The following MTREX variants were observed in gnomAD, a reference collection of about 807,000 sequenced individuals.
The protein encoded by MTREX is exosome RNA helicase MTR4.
In MTREX, 76 loss-of-function variants were observed where a neutral mutation model predicts 135.4. The ratio of observed to expected loss-of-function variants is 0.56; its 90% CI spans 0.47 to 0.68. The LOEUF (loss-of-function observed/expected upper bound fraction) is 0.68, where lower values mean the gene tolerates loss of function less well. Ranked by LOEUF, MTREX falls within the 30% of genes least tolerant of loss-of-function variation. The pLI is 0.00. For missense variants in MTREX, 920 were observed against 1,262.1 expected (o/e 0.73, Z 4.11); for synonymous variants, 404 against 401.6 (o/e 1.01, Z -0.07).
At chr5:55,414,710 C>G (rs952569363) in intron 24 of MTREX, among the ~76,000 whole-genome samples, 1 of 152,228 alleles carries the variant, frequency 6.6e-6, no homozygotes, top group South Asian at 2.1e-4. Flanking sequence ...AGTGCAGTGG[C>G]GTGATCTGGG....
At chr5:55,379,261 G>T (rs1561202909) in intron 18 of MTREX, 66 bp downstream of exon 18, 1 of 948,810 alleles carries the variant, frequency 1.1e-6, no homozygotes, top group Non-Finnish European at 1.6e-6. Context: ...TAAGGCTTAT[G>T]AAATCGGTCT....
intron 1 of MTREX, among the ~76,000 whole-genome samples, chr5:55,320,981 G>T (rs1160879780): frequency 6.6e-6 from 1 of 152,106 alleles, no homozygotes; most frequent in Non-Finnish European, 1.5e-5. Context: ...TGCTGTTTCT[G>T]TTAAGCCAGA....
In MTREX at chr5:55,345,098, A is replaced by T; in HGVS notation, c.1010A>T (p.Asp337Val). The stretch of plus-strand genomic sequence containing the variant: ...AGAAAAAATTTGTGATTCCAGGGTG[A>T]CTTCAGAGAAGATAATTTTAATACT... ...GLHLVVDENGDFREDNFNTAM... is the reference protein window; with the variant it reads ...GLHLVVDENGVFREDNFNTAM... The change falls in exon 10 of 27, where the codon GAC (aspartate) becomes GTC (valine). Residue 337 changes from aspartate to valine, a missense_variant. Asp to Val is a radical substitution (Grantham distance 152). This residue lies in a region of MTREX where 88 missense variants were observed against 202.5 expected (regional missense o/e 0.43). Transcript: ENST00000230640. 6.2e-7 allele frequency: 1 copy of T among 1,607,214 alleles called. No homozygotes were observed. The highest frequency in any genetic ancestry group is 8.5e-7 in the Non-Finnish European group (1 of 1,176,264).
At chr5:55,396,955 T>G (rs376942067) in intron 19 of MTREX, among the ~76,000 whole-genome samples, 2 of 152,342 alleles carry the variant, frequency 1.3e-5, no homozygotes, top group South Asian at 2.1e-4. Context: ...TCTTCAAGAT[T>G]ATGTCTAATG....
At chr5:55,329,182 A>G (rs762778284) in intron 5 of MTREX, among the ~76,000 whole-genome samples, 32 of 151,466 alleles carry the variant, frequency 2.1e-4, no homozygotes, top group Admixed American at 1.2e-3. Flanking sequence ...GATTTTGTCA[A>G]GTGCTTTTTT....
rs1749679909 is a variant in MTREX at position 55,343,281 on chromosome 5, G to A, written c.782-50G>A. The A allele has an allele frequency of 4.0e-6, 6 of 1,490,078 alleles. No individual in the cohort carries two copies. In the East Asian group the frequency reaches 1.1e-4, roughly 28 times the overall value. The allele number at this position is 1,490,078 out of a possible 1,614,324, so 92.3% of individuals were successfully genotyped here. ...ATATAATTTTAGATATTATCACAGA[G>A]TGACACTGTAGTCCAACTATAGTCC... is the stretch of plus-strand genomic sequence containing the variant. On this transcript the variant is annotated intron_variant, in intron 7 of 26. Coordinates refer to ENST00000230640, the MANE Select transcript of MTREX (RefSeq NM_015360.5).
chr5:55,375,472 T>C (rs1258880570), intron 16 of MTREX, among the ~76,000 whole-genome samples: 3 of 152,214 alleles, frequency 2.0e-5, no homozygotes, highest in Non-Finnish European at 4.4e-5. Context: ...AAGAGAAATA[T>C]GGCTCTGTTC....
chr5:55,369,422 G>A (rs1750159189), intron 16 of MTREX, among the ~76,000 whole-genome samples: 1 of 152,220 alleles, frequency 6.6e-6, no homozygotes, highest in African/African-American at 2.4e-5. Flanking sequence ...AAGTGAAACA[G>A]AAGTGTGTAT....
chr5:55,401,967 T>G (rs1332973208), intron 21 of MTREX, among the ~76,000 whole-genome samples: 2 of 152,216 alleles, frequency 1.3e-5, no homozygotes, highest in South Asian at 4.1e-4. Context: ...ACAAACTAGA[T>G]TTTAAGCTCC....
At chr5:55,384,762 G>A (rs1018850731) in intron 18 of MTREX, among the ~76,000 whole-genome samples, 6 of 152,080 alleles carry the variant, frequency 3.9e-5, no homozygotes, top group African/African-American at 1.4e-4. Context: ...GTTTGTTTCT[G>A]GGGTAGAGTT....
chr5:55,323,327 G>C (rs1749318658), intron 2 of MTREX, among the ~76,000 whole-genome samples: 1 of 152,170 alleles, frequency 6.6e-6, no homozygotes, highest in Non-Finnish European at 1.5e-5. Context: ...ATCTAGCACA[G>C]AAATACATCT....
intron 1 of MTREX, among the ~76,000 whole-genome samples, chr5:55,314,301 C>T (rs538694412): frequency 1.3e-5 from 2 of 152,286 alleles, no homozygotes; most frequent in South Asian, 2.1e-4. Context: ...ATGTCCCAAT[C>T]CCTAGAACGT....
intron 18 of MTREX, among the ~76,000 whole-genome samples, chr5:55,383,309 G>T (rs1750426566): frequency 6.6e-6 from 1 of 151,988 alleles, no homozygotes; most frequent in African/African-American, 2.4e-5. Flanking sequence ...AGTATTACTT[G>T]ATTTTAGCCT....
At chr5:55,335,151 T>TG (rs1749534921) in intron 5 of MTREX, among the ~76,000 whole-genome samples, 1 of 152,102 alleles carries the variant, frequency 6.6e-6, no homozygotes, top group Non-Finnish European at 1.5e-5. Context: ...ATTTCAGTCT[T>TG]GCTGATGTTT....
chr5:55,410,130 A>T (rs910417905), intron 22 of MTREX, among the ~76,000 whole-genome samples: 69 of 152,174 alleles, frequency 4.5e-4, no homozygotes, highest in Admixed American at 2.2e-3. Flanking sequence ...TCTAATTAAG[A>T]TTTCTAGTAA....
chr5:55,416,035 T>G lies in MTREX; in HGVS notation c.2874T>G (p.Tyr958Ter). 1 of 1,604,380 alleles carries G rather than the reference T, an allele frequency of 6.2e-7. No homozygotes were observed. The highest frequency in any genetic ancestry group is 8.5e-7 in the Non-Finnish European group (1 of 1,176,784). Residue 958 changes from tyrosine to a stop codon, truncating the protein, a stop_gained, in exon 25 of 27, where the codon TAT becomes TAG. Transcript: ENST00000230640. LOFTEE classifies it high-confidence loss of function. The stretch of plus-strand genomic sequence containing the variant: ...AATTGGAAATTGATGAGGAAACTTA[T>G]CTAAGCTCATTTAAACCTCACTTAA... ...EAKLEIDEET[Y>*]LSSFKPHLMD... is the part of the protein sequence containing the mutation.
intron 3 of MTREX, 41 bp downstream of exon 3, chr5:55,324,239 G>A: frequency 6.8e-7 from 1 of 1,474,338 alleles, no homozygotes; most frequent in Non-Finnish European, 9.4e-7. Context: ...GTTACAAATG[G>A]GATTTTTCTT....
chr5:55,401,033 G>A (rs1027782089), intron 21 of MTREX, among the ~76,000 whole-genome samples: 22 of 151,870 alleles, frequency 1.4e-4, no homozygotes, highest in East Asian at 3.9e-4. Context: ...GCGTGCGTCC[G>A]TGCATGCGTG....
intron 3 of MTREX, chr5:55,327,402 C>CTGAGGAA: frequency 8.9e-6 from 2 of 224,680 alleles, no homozygotes; most frequent in Admixed American, 5.2e-5. Context: ...GTTTTCTACC[C>CTGAGGAA]ACTGTGTTGT....
Sources: gnomAD v4.1 joint callset for allele counts (sites outside exome capture counted in the v4.1 genomes callset) on GRCh38, gnomAD v4.1.1 for gene constraint, gnomAD v4.1.1 regional missense constraint, MANE v1.5 for transcripts, NCBI Gene and HGNC (gene_info 2026-07-23, HGNC 2026-07-21) for gene names.